Variants in NUSAP1 observed in about 807,000 individuals in gnomAD.
NUSAP1 encodes nucleolar and spindle-associated protein 1.
Under a neutral mutation model 52.8 loss-of-function variants are expected in NUSAP1, and 32 were observed. The observed-to-expected ratio is 0.61, with a 90% CI of 0.46 to 0.81. The LOEUF is 0.81. Ranked by LOEUF, NUSAP1 falls within the 40% of genes least tolerant of loss-of-function variation. The pLI, the probability that NUSAP1 is intolerant of heterozygous loss-of-function variation, is 0.00. For missense variants in NUSAP1, 499 were observed against 522.3 expected (o/e 0.96, Z 0.43); for synonymous variants, 195 against 183.1 (o/e 1.06, Z -0.52).
chr15:41,345,262 A>G (rs1035295248), intron 2 of NUSAP1, among the ~76,000 whole-genome samples: 12 of 151,914 alleles, frequency 7.9e-5, no homozygotes, highest in African/African-American at 2.9e-4. Flanking sequence ...TGCCTCCCAA[A>G]GTGCTGGGAT....
intron 7 of NUSAP1, among the ~76,000 whole-genome samples, chr15:41,367,194 G>A (rs994693593): frequency 6.6e-6 from 1 of 152,180 alleles, no homozygotes; most frequent in Non-Finnish European, 1.5e-5. Context: ...GAGTACAGGG[G>A]CGTTGAGCAG....
chr15:41,373,006 T>G (rs2049765506), intron 8 of NUSAP1, among the ~76,000 whole-genome samples: 1 of 151,324 alleles, frequency 6.6e-6, no homozygotes, highest in African/African-American at 2.4e-5. Flanking sequence ...GAGAATCGCT[T>G]GAACCAGGAA....
chr15:41,371,605 CGT>C lies in NUSAP1; in HGVS notation c.930_931del (p.Ser311TrpfsTer34). The stretch of plus-strand genomic sequence containing the variant: ...CAGCCAGAAAGTCTGCACATGTGAC[CGT>C]GTCTGGGGGCACCCCAAAAGGCGAG... ...TPARKSAHVT[V>X]SGGTPKGEAV... On this transcript the variant is annotated frameshift_variant, in exon 8 of 11. Transcript: ENST00000559596. LOFTEE classifies it high-confidence loss of function. The C allele has an allele frequency of 1.2e-6, 2 of 1,611,832 alleles. No individual in the cohort carries two copies. Among genetic ancestry groups the C allele is most frequent in the Non-Finnish European group, 1.7e-6 (2 of 1,179,330 alleles).
intron 2 of NUSAP1, among the ~76,000 whole-genome samples, chr15:41,347,068 A>G (rs1317513427): frequency 6.6e-6 from 1 of 151,986 alleles, no homozygotes; most frequent in Non-Finnish European, 1.5e-5. Flanking sequence ...GCTAGTCATA[A>G]GGCTGAGGCA....
At position 41,332,989 on chromosome 15, in the gene NUSAP1, C is replaced by G; in HGVS notation, c.32C>G (p.Ser11Cys). Residue 11 changes from serine to cysteine, a missense_variant, in exon 1 of 11, where the codon TCC becomes TGC. Ser to Cys is a moderately radical substitution (Grantham distance 112, BLOSUM62 -1). Coordinates refer to ENST00000559596, the MANE Select transcript of NUSAP1 (RefSeq NM_016359.5). Reference protein sequence around the residue: MIIPSLEELDSLKYSDLQNLA... With the variant: MIIPSLEELDCLKYSDLQNLA... ...ATCCCCTCTCTAGAGGAGCTGGACT[C>G]CCTCAAGTACAGTGACCTGCAGAAC... 6.2e-7 allele frequency: 1 copy of G among 1,611,840 alleles called. No individual in the cohort carries two copies.
chr15:41,375,776 G>T lies in NUSAP1; in HGVS notation c.1071G>T (p.Val357=), dbSNP rs2049907310. 6.2e-7 allele frequency: 1 copy of T among 1,613,804 alleles called. No homozygotes were observed. The highest frequency in any genetic ancestry group is 8.5e-7 in the Non-Finnish European group (1 of 1,179,840). The part of the protein sequence containing the change: ...TQTPVSNKKP[V]FDLKASLSRP... ...CTCCAGTCTCCAATAAGAAACCAGT[G>T]TTTGATCTTAAAGCAAGTTTGTCTC... The change falls in exon 9 of 11, where the codon GTG becomes GTT. Residue 357 remains valine (V), a synonymous_variant. Transcript: ENST00000559596.
chr15:41,332,985 G>A lies in NUSAP1; in HGVS notation c.28G>A (p.Asp10Asn). The stretch of plus-strand genomic sequence containing the variant: ...GATCATCCCCTCTCTAGAGGAGCTG[G>A]ACTCCCTCAAGTACAGTGACCTGCA... MIIPSLEEL[D>N]SLKYSDLQNL... Residue 10 changes from aspartate (D) to asparagine (N), a missense_variant, in exon 1 of 11, where the codon GAC becomes AAC. Physicochemically the swap from Asp to Asn is conservative, Grantham distance 23. Coordinates refer to ENST00000559596, the MANE Select transcript of NUSAP1 (RefSeq NM_016359.5). 6.2e-7 allele frequency: 1 copy of A among 1,611,726 alleles called. No homozygotes were observed.
intron 3 of NUSAP1, among the ~76,000 whole-genome samples, chr15:41,349,829 C>G (rs2048716849): frequency 6.8e-6 from 1 of 146,178 alleles, no homozygotes; most frequent in Admixed American, 7.1e-5. Flanking sequence ...TGTGATGGCA[C>G]CATCTCAGCT....
At chr15:41,336,873 CT>C (rs2048171303) in intron 1 of NUSAP1, among the ~76,000 whole-genome samples, 1 of 151,668 alleles carries the variant, frequency 6.6e-6, no homozygotes, top group South Asian at 2.1e-4. Flanking sequence ...ATCATCTTGA[CT>C]CAACTTGGTT....
chr15:41,352,923 A>G (rs1393712249), intron 4 of NUSAP1, among the ~76,000 whole-genome samples: 2 of 152,128 alleles, frequency 1.3e-5, no homozygotes, highest in Non-Finnish European at 2.9e-5. Context: ...CCTCATGCTT[A>G]GAATCAGACT....
chr15:41,343,320 A>C (rs189624927), intron 2 of NUSAP1: 32 of 152,308 alleles, frequency 2.1e-4, no homozygotes, highest in African/African-American at 7.2e-4. Flanking sequence ...AAACGGATGA[A>C]TGAGTGCCCC....
chr15:41,356,845 A>G (rs774490986), intron 5 of NUSAP1, among the ~76,000 whole-genome samples: 1 of 152,150 alleles, frequency 6.6e-6, no homozygotes, highest in Non-Finnish European at 1.5e-5. Context: ...GTTTTTGGGC[A>G]TGTAAGTCTT....
At chr15:41,373,224 T>C (rs550969749) in intron 8 of NUSAP1, among the ~76,000 whole-genome samples, 1 of 150,966 alleles carries the variant, frequency 6.6e-6, no homozygotes, top group Admixed American at 6.6e-5. Flanking sequence ...CAAAACCTCG[T>C]CTCTACTAAA....
chr15:41,376,100 A>G (rs2049922324), intron 9 of NUSAP1, among the ~76,000 whole-genome samples: 1 of 151,996 alleles, frequency 6.6e-6, no homozygotes, highest in African/African-American at 2.4e-5. Context: ...ACTTAAGAAT[A>G]AACAAATTCT....
chr15:41,371,330 G>A (rs1445285367), intron 7 of NUSAP1, among the ~76,000 whole-genome samples, 197 bp from the exon 8 acceptor site: 7 of 152,224 alleles, frequency 4.6e-5, no homozygotes, highest in African/African-American at 1.7e-4. Flanking sequence ...TACAAATAAT[G>A]TTAGTTGATA....
At chr15:41,346,387 C>T (rs2048569442) in intron 2 of NUSAP1, among the ~76,000 whole-genome samples, 1 of 151,974 alleles carries the variant, frequency 6.6e-6, no homozygotes, top group Non-Finnish European at 1.5e-5. Flanking sequence ...TCATGGCTTG[C>T]TTTTGGCTTG....
intron 6 of NUSAP1, among the ~76,000 whole-genome samples, chr15:41,358,987 T>C (rs1374653458): frequency 6.6e-6 from 1 of 152,136 alleles, no homozygotes; most frequent in African/African-American, 2.4e-5. Context: ...ACTCAAAGCC[T>C]CCTCAAGTAA....
chr15:41,336,641 C>T (rs1055087102), intron 1 of NUSAP1, among the ~76,000 whole-genome samples: 5 of 112,784 alleles, frequency 4.4e-5, no homozygotes, highest in African/African-American at 1.8e-4. Context: ...TGATCCTCCT[C>T]CTTTTGGTTT....
At chr15:41,369,740 T>C (rs923121797) in intron 7 of NUSAP1, among the ~76,000 whole-genome samples, 4 of 151,976 alleles carry the variant, frequency 2.6e-5, no homozygotes, top group African/African-American at 9.7e-5. Flanking sequence ...ATACCATTAA[T>C]TGAATGAAGG....
Sources: allele counts gnomAD v4.1 joint callset (sites outside exome capture counted in the v4.1 genomes callset), GRCh38; gene constraint gnomAD v4.1.1; transcripts MANE v1.5; gene names NCBI Gene and HGNC (gene_info 2026-07-23, HGNC 2026-07-21).